The following CAMTA1 variants were observed in gnomAD, a reference collection of about 807,000 sequenced individuals.
The protein encoded by CAMTA1 is calmodulin-binding transcription activator 1.
CAMTA1 carries 27 observed loss-of-function variants against 170.9 expected under a neutral mutation model. That is an observed-to-expected ratio of 0.16 (90% CI 0.12 to 0.22). The LOEUF is 0.22. CAMTA1 is among the 10% of genes least tolerant of loss of function. The pLI is 1.00. For missense variants in CAMTA1, 1,619 were observed against 2,217.2 expected, an observed-to-expected ratio of 0.73 and a Z score of 5.42; for synonymous variants, 833 against 891.5, an observed-to-expected ratio of 0.93 and a Z score of 1.17.
chr1:7,305,449 C>T (rs1675441442), intron 5 of CAMTA1, among the ~76,000 whole-genome samples: 1 of 151,966 alleles, frequency 6.6e-6, no homozygotes, highest in South Asian at 2.1e-4. Context: ...TTACCTTACC[C>T]TGAAACCTAT....
chr1:7,379,821 T>C (rs2087142434), intron 5 of CAMTA1, among the ~76,000 whole-genome samples: 1 of 152,240 alleles, frequency 6.6e-6, no homozygotes, highest in South Asian at 2.1e-4. Flanking sequence ...TAAGGACAGC[T>C]TTCCTTGTGT....
chr1:7,316,561 C>T (rs1464750071), intron 5 of CAMTA1, among the ~76,000 whole-genome samples: 4 of 152,192 alleles, frequency 2.6e-5, no homozygotes, highest in African/African-American at 7.2e-5. Flanking sequence ...TCATAGAATC[C>T]TTTCCAGGTG....
chr1:7,073,255 T>C (rs1572853841), intron 3 of CAMTA1, among the ~76,000 whole-genome samples: 1 of 151,332 alleles, frequency 6.6e-6, no homozygotes, highest in African/African-American at 2.4e-5. Flanking sequence ...AAAGAAGGGG[T>C]GTGAGTGTGG....
intron 5 of CAMTA1, among the ~76,000 whole-genome samples, chr1:7,272,191 T>C (rs1266421752): frequency 6.6e-6 from 1 of 152,128 alleles, no homozygotes; most frequent in Non-Finnish European, 1.5e-5. Context: ...ATTTTTAAAA[T>C]GAAGTTTAAG....
rs1704509734 is a variant in CAMTA1 at position 7,041,816 on chromosome 1, G to T, written c.235-49488G>T. 6.6e-6 allele frequency among the ~76,000 whole-genome samples: 1 copy of T among 152,208 alleles called. No homozygotes were observed. Among genetic ancestry groups the T allele is most frequent in the Non-Finnish European group, 1.5e-5 (1 of 68,038 alleles). On this transcript the variant is annotated intron_variant, in intron 3 of 22. Transcript: ENST00000303635. The surrounding 1 kb of genome is among the most constrained non-coding windows in gnomAD (Gnocchi z 5.1). ...TTCATATTCAAAACAGCAAGGCCTA[G>T]ACTATCTCGATACCTTGGGAGGATC... is the stretch of plus-strand genomic sequence containing the variant.
chr1:7,222,922 C>T (rs1055277805), intron 4 of CAMTA1, among the ~76,000 whole-genome samples: 1 of 152,256 alleles, frequency 6.6e-6, no homozygotes, highest in African/African-American at 2.4e-5. Flanking sequence ...CGGGGTGATG[C>T]TCATGAGGTG....
At chr1:7,614,371 A>G (rs1164207372) in intron 6 of CAMTA1, among the ~76,000 whole-genome samples, 1 of 152,098 alleles carries the variant, frequency 6.6e-6, no homozygotes, top group African/African-American at 2.4e-5. Context: ...ACACAAAACC[A>G]GATTCCAGAG....
At chr1:7,496,973 C>A (rs950282456) in intron 6 of CAMTA1, among the ~76,000 whole-genome samples, 4 of 151,466 alleles carry the variant, frequency 2.6e-5, no homozygotes, top group Admixed American at 2.6e-4. Context: ...TGGCACAGCC[C>A]GGGAAGGGAG....
At chr1:7,237,688 C>T (rs188857692) in intron 4 of CAMTA1, among the ~76,000 whole-genome samples, 112 of 152,280 alleles carry the variant, frequency 7.4e-4, no homozygotes, top group Non-Finnish European at 9.8e-4. Flanking sequence ...CTTTTATCTA[C>T]CTAATTTGAA....
chr1:7,366,359 C>A (rs975185453), intron 5 of CAMTA1, among the ~76,000 whole-genome samples: 1 of 152,206 alleles, frequency 6.6e-6, no homozygotes, highest in African/African-American at 2.4e-5. Context: ...CACATGGACA[C>A]AGGGGAGGTG....
rs1388504555 is a variant in CAMTA1 at position 7,498,795 on chromosome 1, G to GCATGTGTGTA, written c.510+30905_510+30914dup. On this transcript the variant is annotated intron_variant, in intron 6 of 22. Transcript: ENST00000303635. Reference sequence around the variant, plus strand: ...GGTGTGCATGTGTATGTATGTGTGTGCATGTGTGTACATGTGTGTAGAGAG... The same window carrying GCATGTGTGTA: ...GGTGTGCATGTGTATGTATGTGTGTGCATGTGTGTACATGTGTGTACATGTGTGTAGAGAG... 2.7e-4 allele frequency among the ~76,000 whole-genome samples: 40 copies of GCATGTGTGTA among 148,096 alleles called. 1 individual carries two copies. The East Asian group carries it at 8.0e-3, about 30-fold the overall frequency.
At chr1:7,488,899 A>AT (rs373285785) in intron 6 of CAMTA1, among the ~76,000 whole-genome samples, 2 of 152,238 alleles carry the variant, frequency 1.3e-5, no homozygotes, top group East Asian at 3.9e-4. Flanking sequence ...ACATATGTAC[A>AT]TTTATACACA....
chr1:6,845,738 G>T (rs559059928), intron 3 of CAMTA1, among the ~76,000 whole-genome samples: 5 of 152,180 alleles, frequency 3.3e-5, no homozygotes, highest in African/African-American at 9.7e-5. Context: ...AAGCTAGAGC[G>T]TAGTAACTAA....
chr1:7,312,306 G>GAA (rs372414677), intron 5 of CAMTA1, among the ~76,000 whole-genome samples: 1 of 145,966 alleles, frequency 6.9e-6, no homozygotes, highest in Admixed American at 6.8e-5. Flanking sequence ...ATGGATAAAA[G>GAA]AAAAAAAAAA....
intron 11 of CAMTA1, among the ~76,000 whole-genome samples, chr1:7,705,116 G>A (rs1288885407): frequency 4.6e-5 from 7 of 151,742 alleles, no homozygotes; most frequent in Non-Finnish European, 1.0e-4. Flanking sequence ...GCAGGGAGGG[G>A]CCACGAGGGT....
intron 5 of CAMTA1, among the ~76,000 whole-genome samples, chr1:7,327,636 G>T (rs575446171): frequency 1.3e-5 from 2 of 152,266 alleles, no homozygotes; most frequent in African/African-American, 4.8e-5. Context: ...GATACAGCAG[G>T]CAGGAATACT....
intron 6 of CAMTA1, among the ~76,000 whole-genome samples, chr1:7,521,643 A>G (rs2094366860): frequency 1.3e-5 from 2 of 151,900 alleles, no homozygotes; most frequent in African/African-American, 4.8e-5. Context: ...CCTGGGTCCC[A>G]GTTCAAGCAA....
In CAMTA1 at chr1:7,614,550, C is replaced by T. The variant is rs567083904; in HGVS notation, c.511-25850C>T. Among the ~76,000 whole-genome samples the T allele has an allele frequency of 2.6e-4, 39 of 152,280 alleles. 1 individual carries two copies. The highest frequency in any genetic ancestry group is 4.3e-4 in the Non-Finnish European group (29 of 68,012). ...ACAGTGACAACAACCGCCCCATTGG[C>T]GCTGACACGCTGAAGGCTCCCCAAA... On this transcript the variant is annotated intron_variant, in intron 6 of 22. Transcript: ENST00000303635.
At chr1:7,490,733 G>A (rs1311814198) in intron 6 of CAMTA1, among the ~76,000 whole-genome samples, 3 of 152,254 alleles carry the variant, frequency 2.0e-5, no homozygotes, top group South Asian at 2.1e-4. Context: ...GCCACCGTGC[G>A]TTACCTTTTG....
Sources: allele counts gnomAD v4.1 joint callset (sites outside exome capture counted in the v4.1 genomes callset), GRCh38; gene constraint gnomAD v4.1.1; non-coding constraint Gnocchi (gnomAD v3.1); transcripts MANE v1.5; gene names NCBI Gene and HGNC (gene_info 2026-07-23, HGNC 2026-07-21).